PNPLA1: variants seen among roughly 807,000 people sequenced by gnomAD.
PNPLA1 encodes the protein omega-hydroxyceramide transacylase.
Under a neutral mutation model 51.7 loss-of-function variants are expected in PNPLA1, and 36 were observed. The observed-to-expected ratio is 0.70, with a 90% CI of 0.53 to 0.92. The LOEUF (loss-of-function observed/expected upper bound fraction) is 0.92, where lower values mean the gene tolerates loss of function less well. Among genes scored for constraint, PNPLA1 ranks in the 40% least tolerant of loss-of-function variants. The pLI, the probability that PNPLA1 is intolerant of heterozygous loss-of-function variation, is 0.00. For missense variants in PNPLA1, 658 were observed against 682.5 expected, an observed-to-expected ratio of 0.96 and a Z score of 0.40; for synonymous variants, 293 against 280.1, an observed-to-expected ratio of 1.05 and a Z score of -0.46.
At chr6:36,258,366 C>A (rs1234640725) in intron 1 of PNPLA1, among the ~76,000 whole-genome samples, 1 of 152,188 alleles carries the variant, frequency 6.6e-6, no homozygotes, top group Admixed American at 6.5e-5. Context: ...GTTTTAACCA[C>A]CCCACACATC....
At chr6:36,295,227 G>A (rs1187705687) in intron 4 of PNPLA1, 137 bp from the exon 5 acceptor site, 5 of 810,108 alleles carry the variant, frequency 6.2e-6, no homozygotes, top group Admixed American at 2.0e-5. Flanking sequence ...TGAGGGATGG[G>A]ACACTGGATG....
intron 5 of PNPLA1, among the ~76,000 whole-genome samples, chr6:36,297,983 C>G (rs995718333): frequency 2.0e-5 from 3 of 152,130 alleles, no homozygotes. Flanking sequence ...CCTTCCCTCA[C>G]CCCCCGCCAT....
In PNPLA1 at chr6:36,294,696, A is replaced by T. The variant is rs1770804426; in HGVS notation, c.714+297A>T. Among the ~76,000 whole-genome samples, 1 of 152,224 alleles carries T rather than the reference A, an allele frequency of 6.6e-6. No homozygotes were observed. The highest frequency in any genetic ancestry group is 2.1e-4 in the South Asian group (1 of 4,834). On this transcript the variant is annotated intron_variant, in intron 4 of 8. Coordinates refer to ENST00000636260, the MANE Select transcript of PNPLA1 (RefSeq NM_001374623.1). The surrounding 1 kb of genome is among the most constrained non-coding windows in gnomAD (Gnocchi z 4.2). ...TCAGACAGTTCATGTCCCAAATCAA[A>T]GGTCGGCAAGCTGCAGCCCACGGGC...
At chr6:36,268,528 T>C (rs1235887610), upstream of PNPLA1, among the ~76,000 whole-genome samples, 1 of 152,038 alleles carries the variant, frequency 6.6e-6, no homozygotes, top group Non-Finnish European at 1.5e-5. Flanking sequence ...CTCTTGCTGC[T>C]CCTCGACCAG....
chr6:36,285,741 G>A (rs979377703), intron 1 of PNPLA1, among the ~76,000 whole-genome samples: 6 of 152,102 alleles, frequency 3.9e-5, no homozygotes, highest in Admixed American at 3.3e-4. Context: ...CCTTGCCCTC[G>A]TGAAGAGGGG....
chr6:36,296,747 T>C (rs993247444), intron 5 of PNPLA1, among the ~76,000 whole-genome samples: 2 of 152,080 alleles, frequency 1.3e-5, no homozygotes, highest in African/African-American at 4.8e-5. Context: ...ACCTGGGCCC[T>C]GGAGGCAAGT....
chr6:36,262,616 CGGTTTT>C (rs1193404388), intron 1 of PNPLA1, among the ~76,000 whole-genome samples: 1 of 152,186 alleles, frequency 6.6e-6, no homozygotes, highest in African/African-American at 2.4e-5. Context: ...CCATCCTCAG[CGGTTTT>C]ATTTCTGAAA....
chr6:36,284,579 C>CCAT (rs1770422186), intron 1 of PNPLA1, among the ~76,000 whole-genome samples: 1 of 151,948 alleles, frequency 6.6e-6, no homozygotes, highest in African/African-American at 2.4e-5. Context: ...ATCCATCCAT[C>CCAT]CATCCATCCA....
upstream of PNPLA1, among the ~76,000 whole-genome samples, chr6:36,265,434 G>A (rs934854459): frequency 1.3e-5 from 2 of 152,178 alleles, no homozygotes; most frequent in African/African-American, 4.8e-5. Flanking sequence ...ACAAAAATAA[G>A]TTGGTAAACA....
intron 1 of PNPLA1, among the ~76,000 whole-genome samples, chr6:36,262,999 T>C (rs1769686063): frequency 6.6e-6 from 1 of 152,256 alleles, no homozygotes. Flanking sequence ...TTTAAATAGA[T>C]GGTGCCAAAT....
At position 36,276,444 on chromosome 6, in the gene PNPLA1, T is replaced by C. The variant is rs1582055045; in HGVS notation, c.205+5780T>C. Among the ~76,000 whole-genome samples the C allele has an allele frequency of 2.0e-5, 3 of 152,190 alleles. No homozygotes were observed. The East Asian group carries it at 5.8e-4, about 29-fold the overall frequency. ...GCACATGAAAATGTTGTAAAAGCAC[T>C]TAACATAGTGCCTGGTTTTTACTAG... On this transcript the variant is annotated intron_variant, in intron 1 of 8. Transcript: ENST00000636260.
rs373802911 is a variant in PNPLA1 at position 36,295,418 on chromosome 6, C to A, written c.769C>A (p.Arg257=). ...CGAGGATGCAGTTTTGTACTTGAGG[C>A]GGCTGAGTAAGTACCGGTGGGGCCC... The part of the protein sequence containing the change: ...GYEDAVLYLR[R]LNAVYLNSSS... The change falls in exon 5 of 9, where the codon CGG becomes AGG. Residue 257 remains arginine (R), a synonymous_variant. Coordinates refer to ENST00000636260, the MANE Select transcript of PNPLA1 (RefSeq NM_001374623.1). The A allele has an allele frequency of 3.1e-6, 5 of 1,614,088 alleles. No individual in the cohort carries two copies. In the East Asian group the frequency reaches 1.1e-4, roughly 36 times the overall value.
At chr6:36,299,618 G>A (rs1770970444) in intron 5 of PNPLA1, among the ~76,000 whole-genome samples, 1 of 152,192 alleles carries the variant, frequency 6.6e-6, no homozygotes, top group Admixed American at 6.5e-5. Flanking sequence ...ACAGGCGTGA[G>A]CCACTGCGCC....
At chr6:36,274,321 C>A (rs541569279) in intron 1 of PNPLA1, among the ~76,000 whole-genome samples, 2 of 152,038 alleles carry the variant, frequency 1.3e-5, no homozygotes, top group Non-Finnish European at 2.9e-5. Context: ...CTTAACAATG[C>A]GATGTTAAGG....
At position 36,270,613 on chromosome 6, in the gene PNPLA1, A is replaced by T; in HGVS notation, c.154A>T (p.Thr52Ser). 1.9e-6 allele frequency: 3 copies of T among 1,551,506 alleles called. No individual in the cohort carries two copies. Among genetic ancestry groups the T allele is most frequent in the South Asian group, 2.4e-5 (2 of 84,060 alleles). The change falls in exon 1 of 9, where the codon ACA becomes TCA. Residue 52 changes from threonine to serine, a missense_variant. Transcript: ENST00000636260. ...MLETAHRFAG[T>S]SAGAVIAALA... ...GGAAACAGCCCACCGCTTTGCGGGG[A>T]CATCGGCAGGTGCTGTGATCGCCGC...
intron 6 of PNPLA1, among the ~76,000 whole-genome samples, chr6:36,302,702 G>C (rs891333593): frequency 6.6e-6 from 1 of 152,206 alleles, no homozygotes; most frequent in Admixed American, 6.5e-5. Context: ...CCTACCGGCA[G>C]CAAAAGCATC....
intron 1 of PNPLA1, among the ~76,000 whole-genome samples, chr6:36,277,483 G>A (rs1443987338): frequency 2.0e-5 from 3 of 152,238 alleles, no homozygotes; most frequent in Non-Finnish European, 4.4e-5. Flanking sequence ...GGGACAACCA[G>A]TAGTCTCTGT....
At chr6:36,280,248 C>T (rs1224063589) in intron 1 of PNPLA1, among the ~76,000 whole-genome samples, 1 of 152,122 alleles carries the variant, frequency 6.6e-6, no homozygotes, top group Non-Finnish European at 1.5e-5. Flanking sequence ...TCCAGCCTGG[C>T]CTGAGCAATG....
In PNPLA1 at chr6:36,301,059, T is replaced by C. The variant is rs372856171; in HGVS notation, c.776-802T>C. On this transcript the variant is annotated intron_variant, in intron 5 of 8. Transcript: ENST00000636260. Reference sequence around the variant, plus strand: ...CTTTCACACATTTTAAAAACTGAATTGTTTGTTTTCTTATTTAAGGGCTGT... The same window carrying C: ...CTTTCACACATTTTAAAAACTGAATCGTTTGTTTTCTTATTTAAGGGCTGT... Among the ~76,000 whole-genome samples, 19 of 152,260 alleles carry C rather than the reference T, an allele frequency of 1.2e-4. No individual in the cohort carries two copies. In the East Asian group the frequency reaches 2.5e-3, roughly 20 times the overall value.
Sources: allele counts gnomAD v4.1 joint callset (sites outside exome capture counted in the v4.1 genomes callset), GRCh38; gene constraint gnomAD v4.1.1; non-coding constraint Gnocchi (gnomAD v3.1); transcripts MANE v1.5; gene names NCBI Gene and HGNC (gene_info 2026-07-23, HGNC 2026-07-21).